Variants in CACNA1D observed in about 807,000 individuals in gnomAD.
CACNA1D encodes voltage-dependent L-type calcium channel subunit alpha-1D.
CACNA1D carries 55 observed loss-of-function variants against 257.1 expected under a neutral mutation model. That is an observed-to-expected ratio of 0.21 (90% CI 0.17 to 0.27). The LOEUF (loss-of-function observed/expected upper bound fraction) is 0.27, where lower values mean the gene tolerates loss of function less well. Ranked by LOEUF, CACNA1D falls within the 10% of genes least tolerant of loss-of-function variation. The pLI, the probability that CACNA1D is intolerant of heterozygous loss-of-function variation, is 1.00. For missense variants in CACNA1D, 1,876 were observed against 2,784.0 expected (o/e 0.67, Z 7.34); for synonymous variants, 980 against 1,014.9 (o/e 0.97, Z 0.65).
In CACNA1D at chr3:53,574,216, C is replaced by T. The variant is rs542293012; in HGVS notation, c.483+72496C>T. 2.6e-5 allele frequency among the ~76,000 whole-genome samples: 4 copies of T among 152,260 alleles called. No homozygotes were observed. The East Asian group carries it at 7.7e-4, about 29-fold the overall frequency. Reference sequence around the variant, plus strand: ...TCCCCTTCCTTCTGCCGTGCACACACCTGCTCACACAGGCACCATGTGTAC... The same window carrying T: ...TCCCCTTCCTTCTGCCGTGCACACATCTGCTCACACAGGCACCATGTGTAC... On this transcript the variant is annotated intron_variant, in intron 3 of 47. Coordinates refer to ENST00000350061, the MANE Select transcript of CACNA1D (RefSeq NM_001128840.3).
intron 3 of CACNA1D, among the ~76,000 whole-genome samples, chr3:53,649,160 G>A (rs915614854): frequency 5.9e-5 from 9 of 152,182 alleles, no homozygotes; most frequent in African/African-American, 2.2e-4. Context: ...CACAGGCAAG[G>A]CTTCCATTTA....
chr3:53,773,268 A>ATGTGTATAAG, intron 33 of CACNA1D: 6 of 245,822 alleles, frequency 2.4e-5, no homozygotes, highest in South Asian at 1.1e-4. Context: ...GCGGGAACAG[A>ATGTGTATAAG]AGGCTGGTGC....
At chr3:53,722,757 C>A (rs985608265) in intron 12 of CACNA1D, among the ~76,000 whole-genome samples, 1 of 152,198 alleles carries the variant, frequency 6.6e-6, no homozygotes, top group Non-Finnish European at 1.5e-5. Flanking sequence ...ACCTCGTAAT[C>A]CCTGCTCCCT....
intron 3 of CACNA1D, among the ~76,000 whole-genome samples, chr3:53,648,971 C>T (rs1484468769): frequency 6.6e-6 from 1 of 152,128 alleles, no homozygotes; most frequent in African/African-American, 2.4e-5. Flanking sequence ...TGGAAGGAAG[C>T]CCTGTTATAT....
chr3:53,635,477 A>G (rs2108152418), intron 3 of CACNA1D, among the ~76,000 whole-genome samples: 1 of 152,306 alleles, frequency 6.6e-6, no homozygotes, highest in South Asian at 2.1e-4. Flanking sequence ...GGATCAGGGA[A>G]GATGGGTGGG....
At chr3:53,632,969 A>C (rs2093839054) in intron 3 of CACNA1D, among the ~76,000 whole-genome samples, 1 of 152,284 alleles carries the variant, frequency 6.6e-6, no homozygotes, top group Non-Finnish European at 1.5e-5. Context: ...ACAGAGACAC[A>C]AAGTGAGCAC....
intron 3 of CACNA1D, among the ~76,000 whole-genome samples, chr3:53,632,865 T>C (rs967462740): frequency 6.6e-6 from 1 of 152,206 alleles, no homozygotes; most frequent in Non-Finnish European, 1.5e-5. Flanking sequence ...ACAATTACAA[T>C]AGTAACATCG....
Position 53,801,278 on chromosome 3 carries a change from C to T in CACNA1D, c.5261C>T (p.Thr1754Ile). The T allele has an allele frequency of 6.2e-7, 1 of 1,614,176 alleles. No homozygotes were observed. Among genetic ancestry groups the T allele is most frequent in the South Asian group, 1.1e-5 (1 of 91,086 alleles). ...NSIGKQVPTS[T>I]NANLNNANMS... ...ATAGGAAAGCAAGTTCCCACCTCAA[C>T]AAATGCCAATCTCAATAATGCCAAT... The change falls in exon 42 of 48, where the codon ACA (threonine) becomes ATA (isoleucine). Residue 1754 changes from threonine to isoleucine, a missense_variant. Thr to Ile is a moderately conservative substitution (Grantham distance 89). Around this residue, in one of 10 missense-constraint regions of CACNA1D, gnomAD observed 491 missense variants for 554.3 expected, o/e 0.89. Transcript: ENST00000350061.
intron 3 of CACNA1D, among the ~76,000 whole-genome samples, chr3:53,513,495 G>A (rs563512636): frequency 2.0e-5 from 3 of 152,306 alleles, no homozygotes; most frequent in East Asian, 1.9e-4. Context: ...TTAGCTGGGC[G>A]TGGTGGCACA....
intron 3 of CACNA1D, among the ~76,000 whole-genome samples, chr3:53,514,335 G>C (rs1007783541): frequency 5.9e-5 from 9 of 151,664 alleles, no homozygotes; most frequent in Non-Finnish European, 1.3e-4. Context: ...CCAAAGGGCA[G>C]AGCCAGAGAG....
rs1416346890 is a variant in CACNA1D, at chr3:53,781,646, C to A, written c.4771C>A (p.Gln1591Lys). ...GAAAACCAGCATGAAATTACTTGAC[C>A]AAGTTGTCCCTCCAGCTGGTGGTCA... The part of the protein sequence containing the change: ...WKKTSMKLLD[Q>K]VVPPAGDDEV... The change falls in exon 39 of 48, where the codon CAA (glutamine) becomes AAA (lysine). Residue 1591 changes from glutamine to lysine, a missense_variant. Around this residue, in one of 10 missense-constraint regions of CACNA1D, gnomAD observed 160 missense variants for 236.6 expected, o/e 0.68. Coordinates refer to ENST00000350061, the MANE Select transcript of CACNA1D (RefSeq NM_001128840.3). 6.2e-7 allele frequency: 1 copy of A among 1,612,698 alleles called. No homozygotes were observed. The highest frequency in any genetic ancestry group is 1.7e-5 in the Admixed American group (1 of 60,022).
intron 3 of CACNA1D, among the ~76,000 whole-genome samples, chr3:53,522,154 A>G (rs1023844801): frequency 6.6e-6 from 1 of 152,012 alleles, no homozygotes; most frequent in East Asian, 1.9e-4. Context: ...CCACATTTCC[A>G]TTGTTCCTTA....
intron 30 of CACNA1D, among the ~76,000 whole-genome samples, 154 bp downstream of exon 30, chr3:53,762,235 G>A (rs1204960216): frequency 6.6e-6 from 1 of 152,244 alleles, no homozygotes; most frequent in Non-Finnish European, 1.5e-5. Context: ...CTGTAGGCAA[G>A]ACGTGTTTCA....
intron 3 of CACNA1D, among the ~76,000 whole-genome samples, chr3:53,542,936 C>T (rs1389752817): frequency 6.6e-6 from 1 of 151,814 alleles, no homozygotes. Context: ...CCTGTAATCC[C>T]AGCTACTTGG....
At chr3:53,764,200 G>A (rs918406384) in intron 30 of CACNA1D, among the ~76,000 whole-genome samples, 1 of 152,204 alleles carries the variant, frequency 6.6e-6, no homozygotes, top group African/African-American at 2.4e-5. Context: ...ATTCAGATAT[G>A]TAAATGATGC....
At chr3:53,772,198 A>T (rs1357513577) in intron 32 of CACNA1D, among the ~76,000 whole-genome samples, 4 of 151,508 alleles carry the variant, frequency 2.6e-5, no homozygotes, top group African/African-American at 9.7e-5. Flanking sequence ...CCCCCAGCTC[A>T]CTCCTTTTCT....
In CACNA1D at chr3:53,800,377, A is replaced by G; in HGVS notation, c.5040+12A>G. On this transcript the variant is annotated intron_variant, in intron 41 of 47. Coordinates refer to ENST00000350061, the MANE Select transcript of CACNA1D (RefSeq NM_001128840.3). This position sits in a 1 kb window ranked among gnomAD's most constrained non-coding sequence, Gnocchi z 4.3. The stretch of plus-strand genomic sequence containing the variant: ...ATGATGTGTTCAAAGTAATTATTCC[A>G]CGCCTAGCTACACACTGGCCATCTG... The G allele has an allele frequency of 6.6e-7, 1 of 1,515,372 alleles. No individual in the cohort carries two copies. Among genetic ancestry groups the G allele is most frequent in the South Asian group, 1.1e-5 (1 of 89,088 alleles). 93.9% of individuals were successfully genotyped at this position (1,515,372 alleles called of 1,614,324 possible). A position where few individuals can be genotyped will look rare whatever the true frequency, so the allele number is the denominator to read the frequency against.
At chr3:53,737,529 A>G (rs2095070486) in intron 20 of CACNA1D, among the ~76,000 whole-genome samples, 1 of 152,136 alleles carries the variant, frequency 6.6e-6, no homozygotes, top group African/African-American at 2.4e-5. Flanking sequence ...GTACTAAGAA[A>G]ACAAGTCAAG....
chr3:53,568,416 G>T (rs1045298233), intron 3 of CACNA1D, among the ~76,000 whole-genome samples: 1 of 152,108 alleles, frequency 6.6e-6, no homozygotes, highest in Non-Finnish European at 1.5e-5. Context: ...ACTCTCGGCC[G>T]ATGGCTTTAC....
Sources: gnomAD v4.1 joint callset for allele counts (sites outside exome capture counted in the v4.1 genomes callset) on GRCh38, gnomAD v4.1.1 for gene constraint, gnomAD v4.1.1 regional missense constraint, Gnocchi (gnomAD v3.1) non-coding constraint, MANE v1.5 for transcripts, NCBI Gene and HGNC (gene_info 2026-07-23, HGNC 2026-07-21) for gene names.